The following ERC2 variants were observed in gnomAD, a reference collection of about 807,000 sequenced individuals.
ERC2 encodes the protein ELKS/RAB6-interacting/CAST family member 2, also known as ERC protein 2.
ERC2 carries 42 observed loss-of-function variants against 114.8 expected under a neutral mutation model. The ratio of observed to expected loss-of-function variants is 0.37; its 90% CI spans 0.29 to 0.47. The LOEUF (loss-of-function observed/expected upper bound fraction) is 0.47, where lower values mean the gene tolerates loss of function less well. Among genes scored for constraint, ERC2 ranks in the 20% least tolerant of loss-of-function variants. The probability of loss-of-function intolerance (pLI) is 0.99; values close to 1 mark genes in which losing one functional copy is unlikely to be tolerated. For synonymous variants in ERC2, 454 were observed against 425.5 expected, an observed-to-expected ratio of 1.07 and a Z score of -0.82; for missense variants, 939 against 1,150.7, an observed-to-expected ratio of 0.82 and a Z score of 2.66.
intron 17 of ERC2, among the ~76,000 whole-genome samples, chr3:55,594,246 C>T (rs972905023): frequency 6.6e-5 from 10 of 152,136 alleles, no homozygotes; most frequent in African/African-American, 1.4e-4. Flanking sequence ...TCAAAGTGTG[C>T]GGTGTCCTAA....
intron 14 of ERC2, among the ~76,000 whole-genome samples, chr3:55,798,971 T>TA (rs891384587): frequency 1.2e-4 from 19 of 152,230 alleles, no homozygotes; most frequent in African/African-American, 2.2e-4. Context: ...AATTTATTGC[T>TA]AAAAAAATAA....
intron 5 of ERC2, among the ~76,000 whole-genome samples, chr3:56,147,184 T>G (rs1007540152): frequency 2.0e-5 from 3 of 152,204 alleles, no homozygotes; most frequent in Non-Finnish European, 4.4e-5. Context: ...TTCAGAATGA[T>G]TTGGGCACTG....
chr3:55,595,371 T>A (rs1196042428), intron 17 of ERC2, among the ~76,000 whole-genome samples: 1 of 152,222 alleles, frequency 6.6e-6, no homozygotes, highest in Non-Finnish European at 1.5e-5. Context: ...TGCAGGACTA[T>A]TTTAGGTTGA....
intron 16 of ERC2, among the ~76,000 whole-genome samples, chr3:55,693,550 T>C (rs1217744164): frequency 6.6e-6 from 1 of 151,952 alleles, no homozygotes; most frequent in Non-Finnish European, 1.5e-5. Flanking sequence ...GCAGGAGAGT[T>C]TGCAATTGGC....
At chr3:55,706,420 CAG>C (rs1469922988) in intron 15 of ERC2, among the ~76,000 whole-genome samples, 1 of 151,782 alleles carries the variant, frequency 6.6e-6, no homozygotes, top group Non-Finnish European at 1.5e-5. Flanking sequence ...TTTTTTGAGA[CAG>C]AGTCTTGCCT....
intron 7 of ERC2, among the ~76,000 whole-genome samples, chr3:56,075,228 G>C (rs751398131): frequency 6.6e-6 from 1 of 152,158 alleles, no homozygotes; most frequent in Admixed American, 6.5e-5. Context: ...GGTCTGATTA[G>C]ATCCTGCCAA....
intron 7 of ERC2, among the ~76,000 whole-genome samples, chr3:56,023,399 A>C (rs1437713203): frequency 6.6e-6 from 1 of 152,126 alleles, no homozygotes; most frequent in Non-Finnish European, 1.5e-5. Flanking sequence ...GGCCCTGCCG[A>C]ATCACTAGTG....
At chr3:56,130,892 C>T (rs937191023) in intron 6 of ERC2, among the ~76,000 whole-genome samples, 2 of 152,148 alleles carry the variant, frequency 1.3e-5, no homozygotes, top group Non-Finnish European at 2.9e-5. Flanking sequence ...GGACATTTTC[C>T]GCATTCTAAG....
At chr3:56,063,245 G>A (rs1003459011) in intron 7 of ERC2, among the ~76,000 whole-genome samples, 2 of 152,226 alleles carry the variant, frequency 1.3e-5, no homozygotes, top group Non-Finnish European at 2.9e-5. Context: ...ACAAAGGGCA[G>A]CACAAGGGAG....
At chr3:55,787,070 G>T (rs1157047769) in intron 14 of ERC2, among the ~76,000 whole-genome samples, 1 of 152,144 alleles carries the variant, frequency 6.6e-6, no homozygotes, top group Non-Finnish European at 1.5e-5. Context: ...CTTAGGCAAG[G>T]TAATTGGTGT....
intron 1 of ERC2, among the ~76,000 whole-genome samples, chr3:56,439,194 T>C (rs1472192702): frequency 5.3e-5 from 8 of 152,182 alleles, no homozygotes; most frequent in Admixed American, 2.0e-4. Context: ...GCTGTAATGC[T>C]AGCTACTGAG....
chr3:56,097,848 C>CT (rs1473569185), intron 6 of ERC2, among the ~76,000 whole-genome samples: 3 of 152,188 alleles, frequency 2.0e-5, no homozygotes, highest in African/African-American at 7.2e-5. Flanking sequence ...AACCTGGTCA[C>CT]TAGGCATTTA....
intron 1 of ERC2, among the ~76,000 whole-genome samples, chr3:56,447,867 C>T (rs1373359597): frequency 6.6e-6 from 1 of 151,862 alleles, no homozygotes; most frequent in African/African-American, 2.4e-5. Flanking sequence ...CTCAGCCTCT[C>T]GAGTAGCTGC....
intron 17 of ERC2, chr3:55,658,060 C>T (rs2060954797): frequency 6.6e-6 from 1 of 152,096 alleles, no homozygotes; most frequent in East Asian, 1.9e-4. Flanking sequence ...TTCATCTGGC[C>T]TCAAACTGAC....
chr3:55,720,667 A>G (rs1342229102), intron 15 of ERC2, among the ~76,000 whole-genome samples: 2 of 152,100 alleles, frequency 1.3e-5, no homozygotes, highest in Non-Finnish European at 2.9e-5. Flanking sequence ...GGCTCCCAAA[A>G]AAGCAGAAGA....
intron 2 of ERC2, among the ~76,000 whole-genome samples, chr3:56,363,295 A>T (rs958344799): frequency 1.3e-5 from 2 of 152,212 alleles, no homozygotes; most frequent in African/African-American, 2.4e-5. Context: ...ACCACATAAA[A>T]AATAAACATA....
intron 17 of ERC2, among the ~76,000 whole-genome samples, chr3:55,615,312 C>T (rs2059078088): frequency 6.6e-6 from 1 of 152,186 alleles, no homozygotes; most frequent in South Asian, 2.1e-4. Flanking sequence ...TCATGGTTAA[C>T]ATATCAGATT....
chr3:56,460,462 T>C (rs1205018272), intron 1 of ERC2, among the ~76,000 whole-genome samples: 1 of 152,226 alleles, frequency 6.6e-6, no homozygotes, highest in Non-Finnish European at 1.5e-5. Flanking sequence ...CTCCTGCCTT[T>C]ATGGAACTTA....
At position 55,508,954 on chromosome 3, in the gene ERC2, C is replaced by T. The variant is rs2051920377; in HGVS notation, c.*2362G>A. On this transcript the variant is annotated 3_prime_UTR_variant, in exon 18 of 18. Transcript: ENST00000288221. ...AAAGTTTGCGCAAAGGAAATAGCTT[C>T]CCAACATCACAGTGTTTGTTGTAAA... 6.6e-6 allele frequency: 1 copy of T among 152,596 alleles called. No homozygotes were observed. Among genetic ancestry groups the T allele is most frequent in the Admixed American group, 6.5e-5 (1 of 15,268 alleles). The allele number at this position is 152,596 out of a possible 1,614,324, so 9.5% of individuals were successfully genotyped here. A position where few individuals can be genotyped will look rare whatever the true frequency, so the allele number is the denominator to read the frequency against.
Sources: allele counts gnomAD v4.1 joint callset (sites outside exome capture counted in the v4.1 genomes callset), GRCh38; gene constraint gnomAD v4.1.1; transcripts MANE v1.5; gene names NCBI Gene and HGNC (gene_info 2026-07-23, HGNC 2026-07-21).